WARS2: variants seen among roughly 807,000 people sequenced by gnomAD.
The protein encoded by WARS2 is tryptophanyl tRNA synthetase 2, mitochondrial, also known as tryptophan--tRNA ligase, mitochondrial.
Under a neutral mutation model 36.5 loss-of-function variants are expected in WARS2, and 28 were observed. The ratio of observed to expected loss-of-function variants is 0.77; its 90% CI spans 0.57 to 1.05. WARS2 has a LOEUF of 1.05. WARS2 is among the 50% of genes least tolerant of loss of function. The pLI, the probability that WARS2 is intolerant of heterozygous loss-of-function variation, is 0.00. For missense variants in WARS2, 435 were observed against 456.8 expected (o/e 0.95, Z 0.44); for synonymous variants, 174 against 178.4 (o/e 0.98, Z 0.20).
chr1:119,045,573 G>C lies in WARS2; in HGVS notation c.429+9C>G, dbSNP rs765432124. On this transcript the variant is annotated intron_variant, in intron 3 of 5. Transcript: ENST00000235521. ...TTGTCTGTTTATTAATCAGATTACT[G>C]GCATTTACCTTCCACTGATGTAAAT... 2.5e-6 allele frequency: 4 copies of C among 1,582,710 alleles called. No individual in the cohort carries two copies. The highest frequency in any genetic ancestry group is 1.1e-5 in the South Asian group (1 of 87,640).
At position 119,057,186 on chromosome 1, in the gene WARS2, G is replaced by A. The variant is rs571683018; in HGVS notation, c.349-11524C>T. On this transcript the variant is annotated intron_variant, in intron 2 of 5. Coordinates refer to ENST00000235521, the MANE Select transcript of WARS2 (RefSeq NM_015836.4). ...TTTTGAGATGGAGTCTTGCACTGTC[G>A]CCCAGGCTGGAGTCAGTGGCACGAT... Among the ~76,000 whole-genome samples, 8 of 151,900 alleles carry A rather than the reference G, an allele frequency of 5.3e-5. No individual in the cohort carries two copies. The East Asian group carries it at 9.8e-4, about 19-fold the overall frequency.
At chr1:119,115,455 A>T (rs894544142) in intron 1 of WARS2, among the ~76,000 whole-genome samples, 1 of 152,180 alleles carries the variant, frequency 6.6e-6, no homozygotes, top group Admixed American at 6.6e-5. Context: ...GACTGGACCA[A>T]GTGCCTCAAG....
intron 1 of WARS2, among the ~76,000 whole-genome samples, chr1:119,135,755 GAGAT>G (rs941743549): frequency 1.7e-4 from 22 of 128,308 alleles, no homozygotes; most frequent in African/African-American, 5.6e-4. Flanking sequence ...GATAGATAGA[GAGAT>G]AGAGAGAGAG....
chr1:119,118,542 C>T lies in WARS2; in HGVS notation c.90+22013G>A, dbSNP rs141492303. On this transcript the variant is annotated intron_variant, in intron 1 of 5. Coordinates refer to ENST00000235521, the MANE Select transcript of WARS2 (RefSeq NM_015836.4). ...ATCAAGTAAAACTTCCCTGGTCTTG[C>T]TAGAGATCTAGATATCCATATTTAA... is the stretch of plus-strand genomic sequence containing the variant. Among the ~76,000 whole-genome samples the T allele has an allele frequency of 7.2e-3, 1,099 of 151,982 alleles. 7 individuals are homozygous for T. Among genetic ancestry groups the T allele is most frequent in the Middle Eastern group, 0.014 (4 of 294 alleles).
chr1:119,139,091 T>C (rs1395068482), intron 1 of WARS2, among the ~76,000 whole-genome samples: 1 of 152,204 alleles, frequency 6.6e-6, no homozygotes, highest in Non-Finnish European at 1.5e-5. Flanking sequence ...GCTACTTTGA[T>C]AGCATAGGTG....
At chr1:119,096,705 G>C (rs1653467964) in intron 1 of WARS2, among the ~76,000 whole-genome samples, 3 of 152,014 alleles carry the variant, frequency 2.0e-5, no homozygotes, top group African/African-American at 7.2e-5. Flanking sequence ...AGCATGAATA[G>C]AATATGGCTT....
At chr1:119,061,531 T>C (rs756733269) in intron 2 of WARS2, among the ~76,000 whole-genome samples, 2 of 152,058 alleles carry the variant, frequency 1.3e-5, no homozygotes, top group African/African-American at 4.8e-5. Context: ...AGTTAGAAGA[T>C]TGAGAAAATA....
At chr1:119,047,259 T>C (rs1430735506) in intron 2 of WARS2, 1 of 149,354 alleles carries the variant, frequency 6.7e-6, no homozygotes, top group Non-Finnish European at 1.5e-5. Flanking sequence ...GAGCTGTTTT[T>C]CTGGCATGAA....
chr1:119,140,656 C>T (rs1193225215), upstream of WARS2: 15 of 1,609,012 alleles, frequency 9.3e-6, no homozygotes, highest in Middle Eastern at 1.7e-4. Context: ...TTGAGAAGGG[C>T]GGAGCCGTCT....
chr1:119,082,941 G>A (rs1652315768), intron 1 of WARS2, among the ~76,000 whole-genome samples: 1 of 152,124 alleles, frequency 6.6e-6, no homozygotes, highest in South Asian at 2.1e-4. Context: ...TATAAAAGAG[G>A]CTTCAGGCTG....
At chr1:119,134,247 G>C (rs1007052670) in intron 1 of WARS2, among the ~76,000 whole-genome samples, 2 of 142,460 alleles carry the variant, frequency 1.4e-5, no homozygotes, top group African/African-American at 2.5e-5. Context: ...AGATGTAGAA[G>C]TGGAAGTTGT....
chr1:119,083,205 G>T (rs1017335680), intron 1 of WARS2, among the ~76,000 whole-genome samples: 8 of 152,074 alleles, frequency 5.3e-5, no homozygotes, highest in African/African-American at 1.9e-4. Flanking sequence ...CTCCAGCCTG[G>T]GTGACAGAGC....
chr1:119,087,081 T>C (rs10754391), intron 1 of WARS2, among the ~76,000 whole-genome samples: 116,502 of 152,118 alleles, frequency 0.77, 44,905 homozygotes, highest in East Asian at 0.89. Context: ...CAATGTCTCT[T>C]TTTCTCTCTC....
chr1:119,081,036 C>T (rs923899922), intron 1 of WARS2, among the ~76,000 whole-genome samples: 2 of 152,178 alleles, frequency 1.3e-5, no homozygotes, highest in African/African-American at 4.8e-5. Context: ...CATTTATTGG[C>T]TCATTTTTAT....
At chr1:119,102,325 G>A (rs1267966403) in intron 1 of WARS2, among the ~76,000 whole-genome samples, 1 of 152,186 alleles carries the variant, frequency 6.6e-6, no homozygotes, top group African/African-American at 2.4e-5. Flanking sequence ...GCTCCCAAGA[G>A]CTTCTCTCTA....
At chr1:119,085,827 A>T in intron 1 of WARS2, 1 of 1,610,328 alleles carries the variant, frequency 6.2e-7, no homozygotes, top group Non-Finnish European at 8.5e-7. Context: ...CTCATAAGGA[A>T]GCCCTCCCAG....
rs139050907 is a variant in WARS2 at position 119,122,711 on chromosome 1, A to G, written c.90+17844T>C. On this transcript the variant is annotated intron_variant, in intron 1 of 5. Transcript: ENST00000235521. ...ACCATGGAATACTACTCAGCCATAAAAGGGAATTAAATAATGGCATTCACA... is the reference window on the plus strand; with the variant it reads ...ACCATGGAATACTACTCAGCCATAAGAGGGAATTAAATAATGGCATTCACA... Among the ~76,000 whole-genome samples the G allele has an allele frequency of 1.7e-4, 26 of 152,302 alleles. No homozygotes were observed. In the East Asian group the frequency reaches 3.9e-3, roughly 23 times the overall value.
chr1:119,133,976 T>A (rs1178861260), intron 1 of WARS2, among the ~76,000 whole-genome samples: 4 of 152,060 alleles, frequency 2.6e-5, no homozygotes, highest in African/African-American at 9.7e-5. Flanking sequence ...CAAAATGCTG[T>A]ATTAAAATAG....
chr1:119,054,826 T>C (rs1044135169), intron 2 of WARS2, among the ~76,000 whole-genome samples: 1 of 152,216 alleles, frequency 6.6e-6, no homozygotes, highest in Non-Finnish European at 1.5e-5. Context: ...ATGATTTATC[T>C]GTATGAGGTA....
Sources: allele counts gnomAD v4.1 joint callset (sites outside exome capture counted in the v4.1 genomes callset), GRCh38; gene constraint gnomAD v4.1.1; transcripts MANE v1.5; gene names NCBI Gene and HGNC (gene_info 2026-07-23, HGNC 2026-07-21).